STYK1: variants seen among roughly 807,000 people sequenced by gnomAD.
The protein encoded by STYK1 is STY kinase 1.
Under a neutral mutation model 48.1 loss-of-function variants are expected in STYK1, and 46 were observed. The observed-to-expected ratio is 0.96, with a 90% CI of 0.75 to 1.22. The LOEUF (loss-of-function observed/expected upper bound fraction) is 1.22. STYK1 is among the 50% of genes most tolerant of loss of function. The pLI is 0.00. For missense variants in STYK1, 527 were observed against 521.1 expected (o/e 1.01, Z -0.11); for synonymous variants, 188 against 189.0 (o/e 0.99, Z 0.04).
intron 4 of STYK1, among the ~76,000 whole-genome samples, chr12:10,632,990 T>C (rs117419014): frequency 3.7e-4 from 57 of 152,324 alleles, no homozygotes; most frequent in Non-Finnish European, 7.5e-4. Flanking sequence ...AGATTTGTAT[T>C]CCATTGAAAC....
chr12:10,624,735 G>C lies in STYK1; in HGVS notation c.842C>G (p.Ala281Gly), dbSNP rs757418361. 1 of 1,614,130 alleles carries C rather than the reference G, an allele frequency of 6.2e-7. No homozygotes were observed. The highest frequency in any genetic ancestry group is 1.7e-5 in the Admixed American group (1 of 60,032). Residue 281 changes from alanine to glycine, a missense_variant, in exon 8 of 11, where the codon GCC becomes GGC. Transcript: ENST00000075503. ...AGGTATGGTTTGAGTAGAGGAGATG[G>C]CCCCTCGGGTGTAAACTTCATAAGC... ...GLAYEVYTRG[A>G]ISSTQTIPLK...
At chr12:10,661,846 G>A (rs201962683) in intron 1 of STYK1, among the ~76,000 whole-genome samples, 8 of 30,540 alleles carry the variant, frequency 2.6e-4, no homozygotes, top group East Asian at 3.3e-3. Context: ...AATATTACTT[G>A]TGTTTTATAA....
At chr12:10,643,106 T>A (rs1034699989) in intron 1 of STYK1, among the ~76,000 whole-genome samples, 1 of 152,180 alleles carries the variant, frequency 6.6e-6, no homozygotes, top group Non-Finnish European at 1.5e-5. Flanking sequence ...TCCCCAAATC[T>A]GCCCACTTAC....
chr12:10,634,770 C>G lies in STYK1; in HGVS notation c.-68-84G>C, dbSNP rs562299201. 2.6e-4 allele frequency: 196 copies of G among 759,226 alleles called. 5 individuals carry two copies. In the South Asian group the frequency reaches 3.5e-3, roughly 14 times the overall value. The allele number at this position is 759,226 out of a possible 1,614,324, so 47.0% of individuals were successfully genotyped here. A position where few individuals can be genotyped will look rare whatever the true frequency, so the allele number is the denominator to read the frequency against. On this transcript the variant is annotated intron_variant, in intron 2 of 10. Coordinates refer to ENST00000075503, the MANE Select transcript of STYK1 (RefSeq NM_018423.3). ...CACACAGAATTTTAAACCGCCTCTACAGATCACTAGTTAAGTAAATGGCTA... is the reference window on the plus strand; with the variant it reads ...CACACAGAATTTTAAACCGCCTCTAGAGATCACTAGTTAAGTAAATGGCTA...
intron 1 of STYK1, among the ~76,000 whole-genome samples, chr12:10,641,726 G>A (rs1947547031): frequency 6.6e-6 from 1 of 152,186 alleles, no homozygotes; most frequent in Non-Finnish European, 1.5e-5. Flanking sequence ...GTAATTCCAG[G>A]TAAACAATAA....
chr12:10,627,795 G>T, intron 6 of STYK1, 71 bp from the exon 7 acceptor site: 1 of 1,317,522 alleles, frequency 7.6e-7, no homozygotes, highest in Non-Finnish European at 1.1e-6. Flanking sequence ...AATAAAGTTG[G>T]GCAGAGATAC....
chr12:10,624,039 G>T (rs998537474), intron 8 of STYK1, among the ~76,000 whole-genome samples: 1 of 151,902 alleles, frequency 6.6e-6, no homozygotes, highest in African/African-American at 2.4e-5. Flanking sequence ...AGATAAAACA[G>T]ACTTTACTAG....
chr12:10,663,657 C>A lies in STYK1; in HGVS notation c.-195+10309G>T, dbSNP rs180748764. The stretch of plus-strand genomic sequence containing the variant: ...AAAAAATCATTAAGTGTGATTCCTC[C>A]AACTTTGTTCTTTTTCAAGACTGTT... On this transcript the variant is annotated intron_variant, in intron 1 of 10. Transcript: ENST00000075503. 5.4e-4 allele frequency among the ~76,000 whole-genome samples: 74 copies of A among 137,932 alleles called. No individual in the cohort carries two copies. In the South Asian group the frequency reaches 0.014, roughly 26 times the overall value. 90.5% of individuals were successfully genotyped at this position (137,932 alleles called of 152,430 possible).
chr12:10,622,539 T>C (rs1483010933), intron 9 of STYK1, 99 bp downstream of exon 9: 1 of 1,369,752 alleles, frequency 7.3e-7, no homozygotes, highest in South Asian at 1.2e-5. Flanking sequence ...TTCAGCACTG[T>C]ACTGAAACCC....
At chr12:10,625,851 A>G (rs2120611124) in intron 7 of STYK1, among the ~76,000 whole-genome samples, 1 of 152,350 alleles carries the variant, frequency 6.6e-6, no homozygotes, top group Non-Finnish European at 1.5e-5. Flanking sequence ...GTAGGAAGAA[A>G]GACCTGGTAA....
At chr12:10,634,505 C>G in intron 3 of STYK1, 62 bp downstream of exon 3, 1 of 1,535,862 alleles carries the variant, frequency 6.5e-7, no homozygotes, top group Non-Finnish European at 9.0e-7. Flanking sequence ...TAGAATCTAC[C>G]GAGACCTTAG....
chr12:10,634,018 T>G lies in STYK1; in HGVS notation c.159A>C (p.Arg53Ser). 1 of 1,614,106 alleles carries G rather than the reference T, an allele frequency of 6.2e-7. No individual in the cohort carries two copies. Among genetic ancestry groups the G allele is most frequent in the East Asian group, 2.2e-5 (1 of 44,876 alleles). Residue 53 changes from arginine to serine, a missense_variant, in exon 4 of 11, where the codon AGA becomes AGC. Physicochemically the swap from Arg to Ser is moderately radical, Grantham distance 110. Transcript: ENST00000075503. ...VILWLFIREQ[R>S]TQQQRSGPQG... The stretch of plus-strand genomic sequence containing the variant: ...GAGGTCCAGAACGCTGCTGTTGAGT[T>G]CTTTGTTCTCTGATAAAAAGCCACA...
At position 10,619,906 on chromosome 12, in the gene STYK1, C is replaced by G. The variant is rs1222440592; in HGVS notation, c.*238G>C. The G allele has an allele frequency of 1.7e-6, 1 of 598,108 alleles. No homozygotes were observed. The highest frequency in any genetic ancestry group is 3.0e-6 in the Non-Finnish European group (1 of 338,924). 37.1% of individuals were successfully genotyped at this position (598,108 alleles called of 1,614,324 possible). ...CCTCCTTTGCACAGGTCCACCACTT[C>G]TACCCAGGATTTCTAGGACTGGGAC... On this transcript the variant is annotated 3_prime_UTR_variant, in exon 11 of 11. Transcript: ENST00000075503.
intron 1 of STYK1, among the ~76,000 whole-genome samples, chr12:10,670,402 CT>C (rs2120832815): frequency 6.6e-6 from 1 of 152,118 alleles, no homozygotes; most frequent in South Asian, 2.1e-4. Flanking sequence ...ATTATTCAGC[CT>C]TTTGAAAAAT....
chr12:10,625,171 C>T (rs1947341548), intron 7 of STYK1, among the ~76,000 whole-genome samples: 1 of 152,106 alleles, frequency 6.6e-6, no homozygotes, highest in South Asian at 2.1e-4. Context: ...CAGCTAGACA[C>T]TGGAAAAGGG....
intron 1 of STYK1, chr12:10,667,345 T>C (rs571761650): frequency 1.3e-5 from 2 of 152,190 alleles, no homozygotes; most frequent in African/African-American, 2.4e-5. Flanking sequence ...CTGACCTCCG[T>C]GGCTGACTTC....
Position 10,624,685 on chromosome 12 carries a change from G to GC in STYK1, c.891dup (p.Leu298AlafsTer7). ...CTGATGCTAGCAGGTCTCAGGAGAA[G>GC]CCGTTCTGGGGCAAGCCACTTGAGA... On this transcript the variant is annotated frameshift_variant, in exon 8 of 11. Transcript: ENST00000075503. LOFTEE classifies it high-confidence loss of function. 1 of 1,614,162 alleles carries GC rather than the reference G, an allele frequency of 6.2e-7. No individual in the cohort carries two copies. Among genetic ancestry groups the GC allele is most frequent in the East Asian group, 2.2e-5 (1 of 44,864 alleles).
rs532070086 is a variant in STYK1 at position 10,672,298 on chromosome 12, G to A, written c.-195+1668C>T. Among the ~76,000 whole-genome samples the A allele has an allele frequency of 3.3e-5, 5 of 152,352 alleles. No individual in the cohort carries two copies. In the South Asian group the frequency reaches 1.0e-3, roughly 32 times the overall value. ...CAGGAAATCAGAGGCAGGTGAGCCA[G>A]CAAAGCTTCATCTGCATTTACAGCC... On this transcript the variant is annotated intron_variant, in intron 1 of 10. Transcript: ENST00000075503. This position sits in a 1 kb window ranked among gnomAD's most constrained non-coding sequence, Gnocchi z 4.0.
chr12:10,645,974 C>T (rs1174679658), intron 1 of STYK1, among the ~76,000 whole-genome samples: 4 of 152,162 alleles, frequency 2.6e-5, no homozygotes, highest in African/African-American at 4.8e-5. Flanking sequence ...TTGCTCCTTG[C>T]CTTCCACCAT....
Sources: allele counts gnomAD v4.1 joint callset (sites outside exome capture counted in the v4.1 genomes callset), GRCh38; gene constraint gnomAD v4.1.1; non-coding constraint Gnocchi (gnomAD v3.1); transcripts MANE v1.5; gene names NCBI Gene and HGNC (gene_info 2026-07-23, HGNC 2026-07-21).